Variants in TSHR observed in about 807,000 individuals in gnomAD.
The protein encoded by TSHR is thyrotropin receptor.
A neutral mutation model predicts 64.1 loss-of-function variants in TSHR; 51 were observed. The ratio of observed to expected loss-of-function variants is 0.80; its 90% CI spans 0.64 to 1.01. The LOEUF is 1.01. TSHR is among the 50% of genes least tolerant of loss of function. The pLI, the probability that TSHR is intolerant of heterozygous loss-of-function variation, is 0.00. For synonymous variants in TSHR, 361 were observed against 361.9 expected (o/e 1.00, Z 0.03); for missense variants, 877 against 942.8 (o/e 0.93, Z 0.91).
At chr14:81,064,598 TTGAA>T (rs1174571795) in intron 2 of TSHR, among the ~76,000 whole-genome samples, 3 of 152,038 alleles carry the variant, frequency 2.0e-5, no homozygotes, top group African/African-American at 7.2e-5. Flanking sequence ...GAGTTTCCAT[TTGAA>T]TGGGAGGAAA....
At chr14:81,044,681 C>T (rs1432580754) in intron 1 of TSHR, among the ~76,000 whole-genome samples, 1 of 148,324 alleles carries the variant, frequency 6.7e-6, no homozygotes. Context: ...AAAACACACA[C>T]ACACATGCAC....
At chr14:81,098,292 C>T (rs1407579488) in intron 7 of TSHR, among the ~76,000 whole-genome samples, 2 of 152,178 alleles carry the variant, frequency 1.3e-5, no homozygotes, top group African/African-American at 2.4e-5. Context: ...AATAACATTG[C>T]TTTCCTTCTT....
At chr14:81,025,495 G>A (rs574865435) in intron 1 of TSHR, among the ~76,000 whole-genome samples, 26 of 151,858 alleles carry the variant, frequency 1.7e-4, no homozygotes, top group Middle Eastern at 3.4e-3. Context: ...GTTGGTTTTG[G>A]ACAAATCTGA....
At chr14:81,007,963 A>G (rs1165906066) in intron 1 of TSHR, among the ~76,000 whole-genome samples, 1 of 152,190 alleles carries the variant, frequency 6.6e-6, no homozygotes, top group Non-Finnish European at 1.5e-5. Context: ...GCAAGTTGGC[A>G]CCATATTATG....
intron 8 of TSHR, among the ~76,000 whole-genome samples, chr14:81,133,368 A>T (rs1891327883): frequency 6.6e-6 from 1 of 152,244 alleles, no homozygotes; most frequent in African/African-American, 2.4e-5. Context: ...CACAGTACTC[A>T]GAGGGAGCGT....
intron 8 of TSHR, chr14:81,108,905 G>A (rs140811597): frequency 1.4e-6 from 2 of 1,417,012 alleles, no homozygotes; most frequent in East Asian, 2.6e-5. Context: ...TTACAATCAT[G>A]GGGAAAGATG....
intron 1 of TSHR, among the ~76,000 whole-genome samples, chr14:81,057,325 C>T (rs1489810686): frequency 3.9e-5 from 6 of 152,044 alleles, no homozygotes; most frequent in East Asian, 1.9e-4. Flanking sequence ...GCAGGAGAAT[C>T]GCTTGAACCC....
intron 7 of TSHR, among the ~76,000 whole-genome samples, chr14:81,101,231 T>C (rs1889559337): frequency 6.6e-6 from 1 of 152,066 alleles, no homozygotes; most frequent in Non-Finnish European, 1.5e-5. Flanking sequence ...AGCAGGTAAA[T>C]TTAAGAAGGT....
At chr14:80,956,008 T>A in intron 1 of TSHR, 158 bp downstream of exon 1, 1 of 858,864 alleles carries the variant, frequency 1.2e-6, no homozygotes, top group Non-Finnish European at 1.9e-6. Flanking sequence ...GTGTGTGTGC[T>A]AAAAACTTAA....
chr14:81,076,184 C>G (rs947802984), intron 3 of TSHR, among the ~76,000 whole-genome samples: 2 of 152,148 alleles, frequency 1.3e-5, no homozygotes, highest in African/African-American at 4.8e-5. Flanking sequence ...AATAGTAGAT[C>G]ATTCTGTTCT....
intron 1 of TSHR, among the ~76,000 whole-genome samples, chr14:81,056,486 T>C (rs1295827370): frequency 6.6e-6 from 1 of 152,196 alleles, no homozygotes; most frequent in Non-Finnish European, 1.5e-5. Context: ...ATTGTAGACT[T>C]GTGCATCTCA....
intron 3 of TSHR, among the ~76,000 whole-genome samples, chr14:81,072,788 G>A (rs1887178069): frequency 7.3e-6 from 1 of 137,744 alleles, no homozygotes; most frequent in South Asian, 2.1e-4. Context: ...ACGAGGTCAG[G>A]AGATCGAGAC....
chr14:81,123,479 G>T (rs917035447), intron 8 of TSHR, among the ~76,000 whole-genome samples: 2 of 152,170 alleles, frequency 1.3e-5, no homozygotes, highest in Non-Finnish European at 2.9e-5. Context: ...ACAGAAGACA[G>T]AAAGTGCTCA....
intron 8 of TSHR, among the ~76,000 whole-genome samples, chr14:81,113,080 T>A (rs1566821023): frequency 6.6e-6 from 1 of 152,162 alleles, no homozygotes; most frequent in Non-Finnish European, 1.5e-5. Context: ...ACATGCCGGC[T>A]GTTGTGTTGA....
chr14:81,097,489 G>A (rs544702499), intron 7 of TSHR, among the ~76,000 whole-genome samples: 2 of 152,222 alleles, frequency 1.3e-5, no homozygotes, highest in African/African-American at 4.8e-5. Flanking sequence ...AAAATACACA[G>A]TCTGATTCTG....
At chr14:81,019,044 T>C (rs1337539440) in intron 1 of TSHR, among the ~76,000 whole-genome samples, 1 of 152,164 alleles carries the variant, frequency 6.6e-6, no homozygotes. Flanking sequence ...AAAAGGCACA[T>C]GAACATTTTT....
rs951886316 is a variant in TSHR at position 81,108,447 on chromosome 14, C to T, written c.687C>T (p.Ser229=). 12 of 1,612,646 alleles carry T rather than the reference C, an allele frequency of 7.4e-6. No individual in the cohort carries two copies. The highest frequency in any genetic ancestry group is 1.0e-5 in the Non-Finnish European group (12 of 1,179,622). The change falls in exon 8 of 10, where the codon AGC becomes AGT. Residue 229 remains serine, a synonymous_variant. Coordinates refer to ENST00000298171, the MANE Select transcript of TSHR (RefSeq NM_000369.5). ...DAFGGVYSGP[S]LLDVSQTSVT... is the part of the protein sequence containing the mutation. ...TTGGAGGAGTATACAGTGGACCAAG[C>T]TTGCTGTGAGTAAGACATACAAAAG...
intron 1 of TSHR, chr14:80,982,797 T>G: frequency 1.8e-6 from 1 of 553,848 alleles, no homozygotes; most frequent in Non-Finnish European, 3.2e-6. Context: ...GTAGGAACAC[T>G]AACTCATGCT....
chr14:80,994,518 G>C (rs539112434), intron 1 of TSHR: 1 of 152,112 alleles, frequency 6.6e-6, no homozygotes, highest in East Asian at 1.9e-4. Context: ...CCTGATACTC[G>C]TACAAGAACC....
Sources: allele counts gnomAD v4.1 joint callset (sites outside exome capture counted in the v4.1 genomes callset), GRCh38; gene constraint gnomAD v4.1.1; transcripts MANE v1.5; gene names NCBI Gene and HGNC (gene_info 2026-07-23, HGNC 2026-07-21).